Variants in MBOAT2 observed in about 807,000 individuals in gnomAD.
MBOAT2 encodes membrane bound glycerophospholipid O-acyltransferase 2, also known as membrane-bound glycerophospholipid O-acyltransferase 2.
A neutral mutation model predicts 63.4 loss-of-function variants in MBOAT2; 28 were observed. The ratio of observed to expected loss-of-function variants is 0.44; its 90% CI spans 0.33 to 0.61. The LOEUF (loss-of-function observed/expected upper bound fraction) is 0.61, where lower values mean the gene tolerates loss of function less well. Ranked by LOEUF, MBOAT2 falls within the 20% of genes least tolerant of loss-of-function variation. The pLI is 0.03. For missense variants in MBOAT2, 470 were observed against 605.8 expected (o/e 0.78, Z 2.35); for synonymous variants, 211 against 215.6 (o/e 0.98, Z 0.19).
chr2:8,936,078 G>A (rs1267635485), intron 3 of MBOAT2, among the ~76,000 whole-genome samples: 1 of 152,138 alleles, frequency 6.6e-6, no homozygotes, highest in African/African-American at 2.4e-5. Context: ...CACCACAGCT[G>A]TTCCCTCCAG....
chr2:8,860,896 T>C, intron 11 of MBOAT2, 132 bp from the exon 12 acceptor site: 1 of 671,264 alleles, frequency 1.5e-6, no homozygotes, highest in Non-Finnish European at 2.5e-6. Context: ...CTAGTGGGAA[T>C]GTACACTGCT....
At chr2:8,938,910 ATC>A (rs1667858318) in intron 3 of MBOAT2, among the ~76,000 whole-genome samples, 1 of 152,158 alleles carries the variant, frequency 6.6e-6, no homozygotes, top group Non-Finnish European at 1.5e-5. Context: ...CCCCCCAGGA[ATC>A]TCTGCCCTGA....
In MBOAT2 at chr2:8,862,446, G is replaced by A. The variant is rs1421491497; in HGVS notation, c.1185+144C>T. The A allele has an allele frequency of 7.7e-6, 10 of 1,297,528 alleles. No homozygotes were observed. The highest frequency in any genetic ancestry group is 1.9e-4 in the Middle Eastern group (1 of 5,242). The allele number at this position is 1,297,528 out of a possible 1,614,324, so 80.4% of individuals were successfully genotyped here. A position where few individuals can be genotyped will look rare whatever the true frequency, so the allele number is the denominator to read the frequency against. On this transcript the variant is annotated intron_variant, in intron 11 of 12. Transcript: ENST00000305997. The surrounding 1 kb of genome is among the most constrained non-coding windows in gnomAD (Gnocchi z 4.3). The stretch of plus-strand genomic sequence containing the variant: ...TGGTGAGCGCTCAGCAAACATGCAC[G>A]CAGTACACACCTCGCTTCTAGTGGA...
chr2:8,968,315 G>A (rs1670161590), intron 1 of MBOAT2, among the ~76,000 whole-genome samples: 1 of 152,032 alleles, frequency 6.6e-6, no homozygotes, highest in Non-Finnish European at 1.5e-5. Context: ...TGCAGCTGAG[G>A]GTCCTGACTG....
chr2:8,978,853 TA>T (rs35710471), intron 1 of MBOAT2, among the ~76,000 whole-genome samples: 33,483 of 148,628 alleles, frequency 0.23, 5,590 homozygotes, highest in African/African-American at 0.47. Context: ...GCACCCATCT[TA>T]AAAAAAAAAG....
At position 8,940,390 on chromosome 2, in the gene MBOAT2, C is replaced by G. The variant is rs570874994; in HGVS notation, c.299+2797G>C. 2.6e-5 allele frequency among the ~76,000 whole-genome samples: 4 copies of G among 152,244 alleles called. No individual in the cohort carries two copies. The South Asian group carries it at 6.2e-4, about 24-fold the overall frequency. The stretch of plus-strand genomic sequence containing the variant: ...CACTGCAACCTCCGCCTCCCCGGTT[C>G]AAGCAATTCTCCTGCCTCAAGCTCC... On this transcript the variant is annotated intron_variant, in intron 3 of 12. Coordinates refer to ENST00000305997, the MANE Select transcript of MBOAT2 (RefSeq NM_138799.4).
At chr2:8,937,235 T>A (rs1304346157) in intron 3 of MBOAT2, among the ~76,000 whole-genome samples, 2 of 152,180 alleles carry the variant, frequency 1.3e-5, no homozygotes, top group African/African-American at 4.8e-5. Context: ...TGGATCCCAG[T>A]GTTCTAAATG....
At chr2:8,969,530 T>G (rs2103305347) in intron 1 of MBOAT2, among the ~76,000 whole-genome samples, 1 of 152,230 alleles carries the variant, frequency 6.6e-6, no homozygotes, top group South Asian at 2.1e-4. Context: ...AATATTAACT[T>G]TAAATGTAAA....
chr2:8,899,683 A>G (rs1440280562), intron 4 of MBOAT2, among the ~76,000 whole-genome samples: 2 of 152,178 alleles, frequency 1.3e-5, no homozygotes, highest in Non-Finnish European at 2.9e-5. Context: ...TCATTGGACA[A>G]TCTTTTTTAA....
At chr2:8,931,869 C>T (rs1236001897) in intron 3 of MBOAT2, among the ~76,000 whole-genome samples, 1 of 152,128 alleles carries the variant, frequency 6.6e-6, no homozygotes, top group African/African-American at 2.4e-5. Context: ...TTGCTTTTGT[C>T]AGTCTGTTGA....
chr2:8,968,804 T>C (rs1459485804), intron 1 of MBOAT2, among the ~76,000 whole-genome samples: 1 of 151,890 alleles, frequency 6.6e-6, no homozygotes, highest in African/African-American at 2.4e-5. Flanking sequence ...ATGAATGAAA[T>C]GAAGCGAGAA....
At chr2:8,964,788 T>C (rs1669872445) in intron 1 of MBOAT2, among the ~76,000 whole-genome samples, 1 of 152,232 alleles carries the variant, frequency 6.6e-6, no homozygotes, top group African/African-American at 2.4e-5. Context: ...AGCTAATAAA[T>C]ATAAAACATT....
At chr2:8,895,931 G>A (rs997387330) in intron 4 of MBOAT2, among the ~76,000 whole-genome samples, 1 of 152,180 alleles carries the variant, frequency 6.6e-6, no homozygotes, top group Non-Finnish European at 1.5e-5. Flanking sequence ...CAACTCCAGA[G>A]GTTGGTATAA....
intron 1 of MBOAT2, among the ~76,000 whole-genome samples, chr2:8,973,741 T>C (rs992542017): frequency 2.6e-5 from 4 of 151,964 alleles, no homozygotes; most frequent in Non-Finnish European, 4.4e-5. Flanking sequence ...AACCCTATAA[T>C]ACAAGAAACG....
At chr2:8,979,659 T>C (rs1024423689) in intron 1 of MBOAT2, among the ~76,000 whole-genome samples, 5 of 152,178 alleles carry the variant, frequency 3.3e-5, no homozygotes, top group African/African-American at 9.7e-5. Flanking sequence ...GTGTAATCTC[T>C]TCTTGCTATT....
At chr2:8,982,265 C>T (rs1174075175) in intron 1 of MBOAT2, among the ~76,000 whole-genome samples, 1 of 152,058 alleles carries the variant, frequency 6.6e-6, no homozygotes, top group Non-Finnish European at 1.5e-5. Flanking sequence ...CTGAGTAAGA[C>T]GAGTAGGTAA....
intron 3 of MBOAT2, among the ~76,000 whole-genome samples, chr2:8,936,193 T>G (rs948105273): frequency 1.4e-4 from 21 of 152,202 alleles, no homozygotes; most frequent in African/African-American, 5.1e-4. Flanking sequence ...TCTTTTTTAT[T>G]CATCACTAGA....
chr2:8,883,839 TG>T (rs1663330378), intron 5 of MBOAT2, among the ~76,000 whole-genome samples: 1 of 152,094 alleles, frequency 6.6e-6, no homozygotes, highest in African/African-American at 2.4e-5. Flanking sequence ...ATGCAACAAT[TG>T]GGGAATGGGA....
At chr2:8,975,808 A>C (rs1444170901) in intron 1 of MBOAT2, among the ~76,000 whole-genome samples, 5 of 151,872 alleles carry the variant, frequency 3.3e-5, no homozygotes, top group South Asian at 4.2e-4. Flanking sequence ...AAAAAAAAAA[A>C]AAAAAACGAT....
Sources: allele counts gnomAD v4.1 joint callset (sites outside exome capture counted in the v4.1 genomes callset), GRCh38; gene constraint gnomAD v4.1.1; non-coding constraint Gnocchi (gnomAD v3.1); transcripts MANE v1.5; gene names NCBI Gene and HGNC (gene_info 2026-07-23, HGNC 2026-07-21).